The following SLC7A14 variants were observed in gnomAD, a reference collection of about 807,000 sequenced individuals.
SLC7A14 encodes gamma-aminobutyric acid transporter SLC7A14.
In SLC7A14, 37 loss-of-function variants were observed where a neutral mutation model predicts 60.2. The observed-to-expected ratio is 0.61, with a 90% CI of 0.47 to 0.81. The LOEUF is 0.81. Among genes scored for constraint, SLC7A14 ranks in the 30% least tolerant of loss-of-function variants. The pLI, the probability that SLC7A14 is intolerant of heterozygous loss-of-function variation, is 0.00. For missense variants in SLC7A14, 886 were observed against 982.7 expected, an observed-to-expected ratio of 0.90 and a Z score of 1.32; for synonymous variants, 399 against 395.8, an observed-to-expected ratio of 1.01 and a Z score of -0.10.
intron 1 of SLC7A14, among the ~76,000 whole-genome samples, chr3:170,582,675 C>G (rs12493143): frequency 0.41 from 62,408 of 151,898 alleles, 12,965 homozygotes; most frequent in African/African-American, 0.49. Flanking sequence ...CAATAAGAAG[C>G]CATATGGGAA....
At chr3:170,483,705 A>G (rs1363681638) in intron 5 of SLC7A14, among the ~76,000 whole-genome samples, 183 bp from the exon 6 acceptor site, 1 of 152,206 alleles carries the variant, frequency 6.6e-6, no homozygotes, top group Non-Finnish European at 1.5e-5. Context: ...GCCTTGCTCA[A>G]TATTATTTCC....
intron 1 of SLC7A14, among the ~76,000 whole-genome samples, chr3:170,569,406 G>A (rs1365707157): frequency 3.9e-5 from 6 of 152,090 alleles, no homozygotes; most frequent in Non-Finnish European, 8.8e-5. Flanking sequence ...TGCTGGATTC[G>A]GTTTGCCAGT....
intron 2 of SLC7A14, among the ~76,000 whole-genome samples, chr3:170,507,958 G>C (rs1441062073): frequency 2.0e-5 from 3 of 152,180 alleles, no homozygotes; most frequent in South Asian, 4.1e-4. Context: ...TTGCTCATCA[G>C]AGTTGTTCTT....
At chr3:170,549,636 TA>T (rs1240629142) in intron 1 of SLC7A14, among the ~76,000 whole-genome samples, 2 of 152,192 alleles carry the variant, frequency 1.3e-5, no homozygotes, top group Non-Finnish European at 2.9e-5. Context: ...CCGCAGAAAT[TA>T]AAAATGCTAA....
chr3:170,492,724 TA>T (rs1277308667), intron 4 of SLC7A14, among the ~76,000 whole-genome samples: 1 of 152,148 alleles, frequency 6.6e-6, no homozygotes, highest in Non-Finnish European at 1.5e-5. Context: ...GTGAGGTCCC[TA>T]AAAACTGGCC....
chr3:170,573,526 G>A (rs1715006031), intron 1 of SLC7A14, among the ~76,000 whole-genome samples: 1 of 152,178 alleles, frequency 6.6e-6, no homozygotes, highest in Non-Finnish European at 1.5e-5. Context: ...ATTTGGTAAG[G>A]GGCTTTGGAC....
rs2108272143 is a variant in SLC7A14, at chr3:170,486,230, A to G, written c.898T>C (p.Tyr300His). The part of the protein sequence containing the change: ...TASLVICLTA[Y>H]VSVSVILTLM... ...AAGCATCTGGTACTTACAGACACAT[A>G]TGCTGTCAGGCAGATGACCAGGGAG... is the stretch of plus-strand genomic sequence containing the variant. Residue 300 changes from tyrosine to histidine, a missense_variant, in exon 5 of 8, where the codon TAT (tyrosine) becomes CAT (histidine). Coordinates refer to ENST00000231706, the MANE Select transcript of SLC7A14 (RefSeq NM_020949.3). The G allele has an allele frequency of 1.2e-6, 2 of 1,614,144 alleles. No homozygotes were observed. Among genetic ancestry groups the G allele is most frequent in the East Asian group, 4.5e-5 (2 of 44,884 alleles).
intron 2 of SLC7A14, among the ~76,000 whole-genome samples, chr3:170,504,116 A>G (rs1712694795): frequency 6.6e-6 from 1 of 152,226 alleles, no homozygotes; most frequent in Non-Finnish European, 1.5e-5. Flanking sequence ...ATTCAGACTT[A>G]GAGTGGGTAC....
At chr3:170,472,693 G>T (rs891628606) in intron 7 of SLC7A14, among the ~76,000 whole-genome samples, 2 of 151,888 alleles carry the variant, frequency 1.3e-5, no homozygotes, top group Non-Finnish European at 2.9e-5. Flanking sequence ...CGTGAACCTG[G>T]GAGGCAGAGC....
At chr3:170,550,741 C>T (rs1334800415) in intron 1 of SLC7A14, among the ~76,000 whole-genome samples, 2 of 151,608 alleles carry the variant, frequency 1.3e-5, no homozygotes, top group Non-Finnish European at 2.9e-5. Context: ...AGGCTGGTCT[C>T]GAACTCCTGA....
chr3:170,552,678 T>C (rs1224038482), intron 1 of SLC7A14, among the ~76,000 whole-genome samples: 1 of 152,200 alleles, frequency 6.6e-6, no homozygotes, highest in East Asian at 1.9e-4. Context: ...GAACATTGCT[T>C]AGGAGGCAAT....
At chr3:170,496,105 G>A (rs1577512612) in intron 4 of SLC7A14, 1 of 1,120,188 alleles carries the variant, frequency 8.9e-7, no homozygotes, top group South Asian at 1.2e-5. Context: ...AACTTCCTCA[G>A]GCAACTGCAT....
Position 170,466,802 on chromosome 3 carries a change from T to A in SLC7A14, c.*253A>T. On this transcript the variant is annotated 3_prime_UTR_variant, in exon 8 of 8. Transcript: ENST00000231706. ...TCAGCTCTGGTGGTTGCACCTAAGA[T>A]GGAATTTCATATAGCCTCTTGTTTA... 1 of 407,902 alleles carries A rather than the reference T, an allele frequency of 2.5e-6. No homozygotes were observed. Among genetic ancestry groups the A allele is most frequent in the Non-Finnish European group, 4.4e-6 (1 of 229,546 alleles). 25.3% of individuals were successfully genotyped at this position (407,902 alleles called of 1,614,324 possible).
chr3:170,534,837 C>T (rs189825738), intron 1 of SLC7A14, among the ~76,000 whole-genome samples: 3 of 152,292 alleles, frequency 2.0e-5, no homozygotes, highest in Admixed American at 1.3e-4. Context: ...AATATTTCTA[C>T]TGACACAAAT....
intron 1 of SLC7A14, among the ~76,000 whole-genome samples, chr3:170,555,167 C>A (rs1379494269): frequency 1.4e-5 from 2 of 147,826 alleles, no homozygotes; most frequent in Admixed American, 6.7e-5. Context: ...GACTTTGTCT[C>A]AAAAAAAATA....
chr3:170,486,126 CAAG>C (rs1418199884), intron 5 of SLC7A14, 93 bp downstream of exon 5: 1 of 1,478,912 alleles, frequency 6.8e-7, no homozygotes, highest in Non-Finnish European at 9.1e-7. Context: ...AGACAGACAC[CAAG>C]AAGACATAGG....
At position 170,463,591 on chromosome 3, in the gene SLC7A14, C is replaced by T. The variant is rs1739650514; in HGVS notation, c.*3464G>A. 1 of 152,238 alleles carries T rather than the reference C, an allele frequency of 6.6e-6. No individual in the cohort carries two copies. Among genetic ancestry groups the T allele is most frequent in the Non-Finnish European group, 1.5e-5 (1 of 68,126 alleles). 9.4% of individuals were successfully genotyped at this position (152,238 alleles called of 1,614,324 possible). A position where few individuals can be genotyped will look rare whatever the true frequency, so the allele number is the denominator to read the frequency against. ...GGAGTACAGTGGTGTGATCATAGCT[C>T]ACTGCAGCCTTGAACTCCTGGGCTC... is the stretch of plus-strand genomic sequence containing the variant. On this transcript the variant is annotated 3_prime_UTR_variant, in exon 8 of 8. Coordinates refer to ENST00000231706, the MANE Select transcript of SLC7A14 (RefSeq NM_020949.3).
intron 1 of SLC7A14, among the ~76,000 whole-genome samples, chr3:170,539,037 G>T (rs1275317880): frequency 6.6e-6 from 1 of 152,222 alleles, no homozygotes; most frequent in Non-Finnish European, 1.5e-5. Context: ...ACACTTGAGA[G>T]CTAGGATCTC....
intron 7 of SLC7A14, among the ~76,000 whole-genome samples, chr3:170,475,595 A>G (rs946653606): frequency 1.4e-4 from 22 of 152,238 alleles, no homozygotes; most frequent in Non-Finnish European, 2.9e-4. Context: ...GCCCTGCTTG[A>G]TAAAACTATG....
Sources: gnomAD v4.1 joint callset for allele counts (sites outside exome capture counted in the v4.1 genomes callset) on GRCh38, gnomAD v4.1.1 for gene constraint, MANE v1.5 for transcripts, NCBI Gene and HGNC (gene_info 2026-07-23, HGNC 2026-07-21) for gene names.